NECAB2: variants seen among roughly 807,000 people sequenced by gnomAD.
NECAB2 encodes the protein N-terminal EF-hand calcium-binding protein 2.
A neutral mutation model predicts 51.9 loss-of-function variants in NECAB2; 68 were observed. The observed-to-expected ratio is 1.31, with a 90% CI of 1.08 to 1.60. The LOEUF (loss-of-function observed/expected upper bound fraction) is 1.60, where lower values mean the gene tolerates loss of function less well. NECAB2 is among the 40% of genes most tolerant of loss of function. The pLI is 0.00. For missense variants in NECAB2, 854 were observed against 490.3 expected (o/e 1.74, Z -7.00); for synonymous variants, 329 against 203.5 (o/e 1.62, Z -5.25).
chr16:83,969,067 C>T (rs1349050603), intron 1 of NECAB2, among the ~76,000 whole-genome samples: 1 of 151,662 alleles, frequency 6.6e-6, no homozygotes, highest in African/African-American at 2.4e-5. Context: ...AGACCCCCCT[C>T]CTCCGCCCCT....
intron 6 of NECAB2, among the ~76,000 whole-genome samples, chr16:83,994,041 G>T (rs2084661521): frequency 1.3e-5 from 2 of 152,190 alleles, no homozygotes. Context: ...TGAATCTCTT[G>T]GGGAAAAGGC....
Position 84,001,854 on chromosome 16 carries a change from TC to T in NECAB2, c.1072del (p.Arg358GlyfsTer8), listed in dbSNP as rs1409105796. ...RHLQSPLCKAFRHVKVDTLSQ... is the reference protein window; with the variant it reads ...RHLQSPLCKAXRHVKVDTLSQ... ...CTGCAGAGCCCCCTGTGTAAGGCGT[TC>T]CGGCACGTCAAGGTGGACACACTGA... On this transcript the variant is annotated frameshift_variant, in exon 12 of 13. Transcript: ENST00000305202. LOFTEE classifies it high-confidence loss of function. 1 of 1,613,978 alleles carries T rather than the reference TC, an allele frequency of 6.2e-7. No homozygotes were observed. Among genetic ancestry groups the T allele is most frequent in the Non-Finnish European group, 8.5e-7 (1 of 1,179,984 alleles).
At chr16:83,972,021 G>GA (rs907629712) in intron 1 of NECAB2, 130 bp from the exon 2 acceptor site, 11 of 1,253,190 alleles carry the variant, frequency 8.8e-6, no homozygotes, top group South Asian at 2.6e-5. Context: ...GGAGAGGGAA[G>GA]GGGGGCTCAG....
chr16:83,970,378 C>G (rs958721201), intron 1 of NECAB2, among the ~76,000 whole-genome samples: 7 of 152,168 alleles, frequency 4.6e-5, no homozygotes, highest in African/African-American at 1.7e-4. Flanking sequence ...TTTTGAGGAG[C>G]CTTGCCCAGT....
At chr16:83,998,451 A>G (rs192526565) in intron 10 of NECAB2, 134 bp downstream of exon 10, 2 of 815,322 alleles carry the variant, frequency 2.5e-6, no homozygotes, top group Admixed American at 5.1e-5. Flanking sequence ...TGGATGCGTA[A>G]GAAGTGGGTT....
intron 6 of NECAB2, among the ~76,000 whole-genome samples, chr16:83,992,191 C>T (rs371728927): frequency 9.9e-5 from 13 of 131,426 alleles, no homozygotes; most frequent in East Asian, 8.4e-4. Flanking sequence ...CTGAAAGAGA[C>T]GTGAAAGAGG....
At chr16:83,972,283 G>C in intron 2 of NECAB2, 108 bp downstream of exon 2, 1 of 1,493,148 alleles carries the variant, frequency 6.7e-7, no homozygotes, top group Non-Finnish European at 9.3e-7. Flanking sequence ...CTAAAGGTTT[G>C]GAGTGCAGGG....
At chr16:83,998,970 G>C (rs1328757716) in intron 10 of NECAB2, among the ~76,000 whole-genome samples, 1 of 152,122 alleles carries the variant, frequency 6.6e-6, no homozygotes, top group Non-Finnish European at 1.5e-5. Context: ...GCTGGTAGTG[G>C]TCCCCCGCCC....
At chr16:83,967,748 G>GGA (rs2084302282), upstream of NECAB2, among the ~76,000 whole-genome samples, 1 of 127,368 alleles carries the variant, frequency 7.9e-6, no homozygotes, top group Non-Finnish European at 1.6e-5. Flanking sequence ...GGATGGATGG[G>GGA]AGGGTGGATG....
intron 2 of NECAB2, among the ~76,000 whole-genome samples, chr16:83,975,312 G>A: frequency 6.6e-6 from 1 of 151,780 alleles, no homozygotes; most frequent in East Asian, 1.9e-4. Flanking sequence ...GAGAGCAGGT[G>A]TGCAGGGAGG....
rs767103864 is a variant in NECAB2 at position 84,001,855 on chromosome 16, C to A, written c.1071C>A (p.Phe357Leu). 2.2e-5 allele frequency: 36 copies of A among 1,614,046 alleles called. No individual in the cohort carries two copies. Among genetic ancestry groups the A allele is most frequent in the East Asian group, 2.2e-5 (1 of 44,894 alleles). ...TGCAGAGCCCCCTGTGTAAGGCGTTCCGGCACGTCAAGGTGGACACACTGA... is the reference window on the plus strand; with the variant it reads ...TGCAGAGCCCCCTGTGTAAGGCGTTACGGCACGTCAAGGTGGACACACTGA... ...RHLQSPLCKAFRHVKVDTLSQ... is the reference protein window; with the variant it reads ...RHLQSPLCKALRHVKVDTLSQ... The change falls in exon 12 of 13, where the codon TTC (phenylalanine) becomes TTA (leucine). Residue 357 changes from phenylalanine to leucine, a missense_variant. Transcript: ENST00000305202.
intron 5 of NECAB2, among the ~76,000 whole-genome samples, chr16:83,981,856 G>C (rs574257813): frequency 6.6e-6 from 1 of 152,266 alleles, no homozygotes; most frequent in African/African-American, 2.4e-5. Context: ...GGACCCACAG[G>C]TGCTCGAGGC....
chr16:83,984,905 C>G (rs1202881453), intron 5 of NECAB2, among the ~76,000 whole-genome samples: 5 of 152,148 alleles, frequency 3.3e-5, no homozygotes, highest in Admixed American at 6.6e-5. Context: ...TTATTTATAG[C>G]TCCTATCATT....
chr16:83,994,439 C>T lies in NECAB2; in HGVS notation c.715+19C>T, dbSNP rs749597366. On this transcript the variant is annotated intron_variant, in intron 7 of 12. Coordinates refer to ENST00000305202, the MANE Select transcript of NECAB2 (RefSeq NM_019065.3). ...CCATCTGGTGAGAGAAAGCGGGGGCCCTGGTGGGGGTACCAGCTGGGGGTC... is the reference window on the plus strand; with the variant it reads ...CCATCTGGTGAGAGAAAGCGGGGGCTCTGGTGGGGGTACCAGCTGGGGGTC... 4 of 1,612,568 alleles carry T rather than the reference C, an allele frequency of 2.5e-6. No individual in the cohort carries two copies. The highest frequency in any genetic ancestry group is 1.7e-5 in the Admixed American group (1 of 59,976).
chr16:83,996,923 A>C (rs946010883), intron 8 of NECAB2, among the ~76,000 whole-genome samples: 4 of 152,144 alleles, frequency 2.6e-5, no homozygotes, highest in African/African-American at 9.7e-5. Context: ...TATAAGTTAC[A>C]GGGAATCTAA....
intron 2 of NECAB2, among the ~76,000 whole-genome samples, chr16:83,977,318 C>T (rs1302420812): frequency 6.6e-6 from 1 of 151,990 alleles, no homozygotes; most frequent in Non-Finnish European, 1.5e-5. Flanking sequence ...GAGGTGGCTG[C>T]AGGGCAGGTG....
Position 83,998,236 on chromosome 16 carries a change from T to TG in NECAB2, c.882dup (p.Cys295ValfsTer43). 1.2e-6 allele frequency: 2 copies of TG among 1,612,158 alleles called. No individual in the cohort carries two copies. Among genetic ancestry groups the TG allele is most frequent in the Non-Finnish European group, 1.7e-6 (2 of 1,180,010 alleles). On this transcript the variant is annotated frameshift_variant, in exon 10 of 13. Transcript: ENST00000305202. LOFTEE classifies it high-confidence loss of function. ...CAGCTGGTCCGGCAGGAGATGGCCG[T>TG]GTGCCCCGAGCAACTGAGCGAGTTT...
chr16:83,975,147 TGTGCAGGGAGGTGTGG>T (rs2084393796), intron 2 of NECAB2, among the ~76,000 whole-genome samples: 9 of 116,370 alleles, frequency 7.7e-5, no homozygotes, highest in African/African-American at 3.3e-4. Context: ...TGAGAGCAGG[TGTGCAGGGAGGTGTGG>T]GTGCAGGGAT....
rs767994136 is a variant in NECAB2, at chr16:84,000,794, T to C, written c.1033T>C (p.Trp345Arg). The C allele has an allele frequency of 5.6e-6, 9 of 1,613,404 alleles. No homozygotes were observed. Among genetic ancestry groups the C allele is most frequent in the Non-Finnish European group, 7.6e-6 (9 of 1,179,886 alleles). Residue 345 changes from tryptophan (W) to arginine (R), a missense_variant, in exon 11 of 13, where the codon TGG (tryptophan) becomes CGG (arginine). Coordinates refer to ENST00000305202, the MANE Select transcript of NECAB2 (RefSeq NM_019065.3). ...IYEFWETEEA[W>R]KRHLQSPLCK... Reference sequence around the variant, plus strand: ...TGAGTTCTGGGAGACAGAGGAGGCGTGGAAGAGGTGAGATGCTGGGTCCCC... The same window carrying C: ...TGAGTTCTGGGAGACAGAGGAGGCGCGGAAGAGGTGAGATGCTGGGTCCCC...
Sources: allele counts gnomAD v4.1 joint callset (sites outside exome capture counted in the v4.1 genomes callset), GRCh38; gene constraint gnomAD v4.1.1; transcripts MANE v1.5; gene names NCBI Gene and HGNC (gene_info 2026-07-23, HGNC 2026-07-21).